RERE: variants seen among roughly 807,000 people sequenced by gnomAD.
RERE encodes arginine-glutamic acid dipeptide repeats protein.
RERE carries 40 observed loss-of-function variants against 146.1 expected under a neutral mutation model. The ratio of observed to expected loss-of-function variants is 0.27; its 90% CI spans 0.21 to 0.36. The LOEUF (loss-of-function observed/expected upper bound fraction) is 0.36, where lower values mean the gene tolerates loss of function less well. Among genes scored for constraint, RERE ranks in the 10% least tolerant of loss-of-function variants. The probability of loss-of-function intolerance (pLI) is 1.00; values close to 1 mark genes in which losing one functional copy is unlikely to be tolerated. For missense variants in RERE, 1,933 were observed against 2,138.7 expected, an observed-to-expected ratio of 0.90 and a Z score of 1.90; for synonymous variants, 1,003 against 866.0, an observed-to-expected ratio of 1.16 and a Z score of -2.78.
At chr1:8,726,442 C>T (rs1451505414) in intron 1 of RERE, among the ~76,000 whole-genome samples, 2 of 152,226 alleles carry the variant, frequency 1.3e-5, no homozygotes, top group East Asian at 1.9e-4. Flanking sequence ...CGTGAGCCAA[C>T]GCGCCCGGCC....
intron 11 of RERE, among the ~76,000 whole-genome samples, chr1:8,460,081 A>G (rs755832839): frequency 6.6e-6 from 1 of 151,878 alleles, no homozygotes; most frequent in Non-Finnish European, 1.5e-5. Flanking sequence ...CACCTCCACA[A>G]CCTCCTGCTG....
chr1:8,689,546 A>C (rs944047528), intron 1 of RERE, among the ~76,000 whole-genome samples: 1 of 152,166 alleles, frequency 6.6e-6, no homozygotes. Context: ...CTTCAAATCT[A>C]AACAGCAGGC....
intron 4 of RERE, among the ~76,000 whole-genome samples, chr1:8,593,244 C>A (rs1323594923): frequency 6.6e-6 from 1 of 152,166 alleles, no homozygotes; most frequent in Non-Finnish European, 1.5e-5. Context: ...CCTAAAATAG[C>A]TTTTGCTGTG....
At chr1:8,452,910 G>C (rs1644405286) in intron 11 of RERE, among the ~76,000 whole-genome samples, 1 of 152,196 alleles carries the variant, frequency 6.6e-6, no homozygotes, top group Admixed American at 6.5e-5. Context: ...CTTCGTAACG[G>C]AATGCCTGAG....
At chr1:8,545,980 G>GTTTTTTTTT (rs1480930167) in intron 6 of RERE, among the ~76,000 whole-genome samples, 1 of 75,376 alleles carries the variant, frequency 1.3e-5, no homozygotes, top group African/African-American at 5.9e-5. Context: ...ACCATACCCA[G>GTTTTTTTTT]TCTTTTTTTT....
At chr1:8,720,532 CAA>C (rs1491365494) in intron 1 of RERE, among the ~76,000 whole-genome samples, 1 of 151,514 alleles carries the variant, frequency 6.6e-6, no homozygotes, top group Non-Finnish European at 1.5e-5. Context: ...AGAGAGAGAG[CAA>C]GAGAGAGAGA....
intron 1 of RERE, among the ~76,000 whole-genome samples, chr1:8,812,369 G>A (rs547543173): frequency 8.5e-5 from 13 of 152,202 alleles, no homozygotes; most frequent in African/African-American, 2.4e-4. Flanking sequence ...AAAATATGCC[G>A]TGTGCAGTGG....
rs535427584 is a variant in RERE, at chr1:8,369,021, C to A, written c.1285-3047G>T. On this transcript the variant is annotated intron_variant, in intron 12 of 22. Transcript: ENST00000400908. The stretch of plus-strand genomic sequence containing the variant: ...TTAAGACAAGCCTGGGCCCTACAGG[C>A]CCAATCTCTACAAAAAAGTTTAAAA... Among the ~76,000 whole-genome samples the A allele has an allele frequency of 1.3e-5, 2 of 152,064 alleles. 1 individual carries two copies. The highest frequency in any genetic ancestry group is 4.1e-4 in the South Asian group (2 of 4,822).
At chr1:8,355,661 G>A (rs974468782) in intron 21 of RERE, 62 bp from the exon 22 acceptor site, 198 of 1,402,860 alleles carry the variant, frequency 1.4e-4, no homozygotes, top group Admixed American at 3.3e-4. Flanking sequence ...AGACCAGGGC[G>A]GCACAGGCAC....
Position 8,360,453 on chromosome 1 carries a change from G to A in RERE, c.3054C>T (p.Ala1018=). Reference sequence around the variant, plus strand: ...GGTGGAGGCCTGTAGGGGGGTGGGAGGCAGGGGGCGGGGGCAGGTTCTGGC... The same window carrying A: ...GGTGGAGGCCTGTAGGGGGGTGGGAAGCAGGGGGCGGGGGCAGGTTCTGGC... ...TQSQNLPPPP[A]SHPPTGLHQV... is the part of the protein sequence containing the mutation. Residue 1018 remains alanine, a synonymous_variant, in exon 18 of 23, where the codon GCC becomes GCT. Transcript: ENST00000400908. The A allele has an allele frequency of 1.4e-6, 1 of 736,278 alleles. No individual in the cohort carries two copies. The highest frequency in any genetic ancestry group is 2.0e-6 in the Non-Finnish European group (1 of 494,838). The allele number at this position is 736,278 out of a possible 1,614,324, so 45.6% of individuals were successfully genotyped here.
Position 8,549,424 on chromosome 1 carries a change from T to C in RERE, c.725+7051A>G, listed in dbSNP as rs772966194. 1.2e-4 allele frequency among the ~76,000 whole-genome samples: 18 copies of C among 152,284 alleles called. 1 individual carries two copies. Among genetic ancestry groups the C allele is most frequent in the Middle Eastern group, 3.4e-3 (1 of 294 alleles). The stretch of plus-strand genomic sequence containing the variant: ...ACAAAACAAAATAAATATCCGTAAG[T>C]TCATGCTGATGTAAATACTCAAATA... On this transcript the variant is annotated intron_variant, in intron 6 of 22. Transcript: ENST00000400908.
At chr1:8,669,841 C>T (rs941314384) in intron 1 of RERE, among the ~76,000 whole-genome samples, 2 of 152,038 alleles carry the variant, frequency 1.3e-5, no homozygotes, top group Non-Finnish European at 2.9e-5. Context: ...AAGCTCTCAG[C>T]GTGTGATGAA....
chr1:8,772,963 T>C (rs1341353104), intron 1 of RERE, among the ~76,000 whole-genome samples: 1 of 152,122 alleles, frequency 6.6e-6, no homozygotes, highest in South Asian at 2.1e-4. Flanking sequence ...GGCACATGCA[T>C]GTAATCCCAG....
chr1:8,577,514 AACTTAAAGAAGTTAC>A (rs1363057821), intron 4 of RERE, among the ~76,000 whole-genome samples: 1 of 152,166 alleles, frequency 6.6e-6, no homozygotes, highest in African/African-American at 2.4e-5. Context: ...TTACACTTAA[AACTTAAAGAAGTTAC>A]ACGTTTTCAA....
intron 1 of RERE, among the ~76,000 whole-genome samples, chr1:8,703,649 T>C (rs1569586929): frequency 6.6e-6 from 1 of 152,216 alleles, no homozygotes; most frequent in South Asian, 2.1e-4. Context: ...CTTAATAGCG[T>C]GGTCAGCTAG....
intron 1 of RERE, among the ~76,000 whole-genome samples, chr1:8,744,863 T>C (rs1557517119): frequency 6.6e-6 from 1 of 152,314 alleles, no homozygotes; most frequent in Non-Finnish European, 1.5e-5. Flanking sequence ...TAGTCTAAAA[T>C]GGAAAACTTC....
rs550410616 is a variant in RERE, at chr1:8,734,933, T to A, written c.-144-78492A>T. Among the ~76,000 whole-genome samples the A allele has an allele frequency of 5.9e-5, 9 of 152,284 alleles. No homozygotes were observed. In the South Asian group the frequency reaches 1.5e-3, roughly 25 times the overall value. On this transcript the variant is annotated intron_variant, in intron 1 of 22. Coordinates refer to ENST00000400908, the MANE Select transcript of RERE (RefSeq NM_001042681.2). The stretch of plus-strand genomic sequence containing the variant: ...TCTGATTTCCCTTTTACTTACCGCA[T>A]CCCTCATAGACACACCTACAGAGAA...
rs1208347772 is a variant in RERE at position 8,354,434 on chromosome 1, A to G, written c.*653T>C. 6.6e-6 allele frequency: 1 copy of G among 152,420 alleles called. No homozygotes were observed. Among genetic ancestry groups the G allele is most frequent in the Non-Finnish European group, 1.5e-5 (1 of 68,038 alleles). The allele number at this position is 152,420 out of a possible 1,614,324, so 9.4% of individuals were successfully genotyped here. A position where few individuals can be genotyped will look rare whatever the true frequency, so the allele number is the denominator to read the frequency against. ...ATTATATATAACTTTTTATTAAAAA[A>G]TCAACTCTGTATTCTGTCAATAGTT... On this transcript the variant is annotated 3_prime_UTR_variant, in exon 23 of 23. Coordinates refer to ENST00000400908, the MANE Select transcript of RERE (RefSeq NM_001042681.2).
chr1:8,399,983 C>G (rs1643194039), intron 12 of RERE, among the ~76,000 whole-genome samples: 1 of 151,930 alleles, frequency 6.6e-6, no homozygotes, highest in Non-Finnish European at 1.5e-5. Flanking sequence ...CTGCCTCAGT[C>G]TCCTGAGTAG....
Sources: allele counts gnomAD v4.1 joint callset (sites outside exome capture counted in the v4.1 genomes callset), GRCh38; gene constraint gnomAD v4.1.1; transcripts MANE v1.5; gene names NCBI Gene and HGNC (gene_info 2026-07-23, HGNC 2026-07-21).